The following ADARB2 variants were observed in gnomAD, a reference collection of about 807,000 sequenced individuals.
The protein encoded by ADARB2 is inactive double-stranded RNA-specific editase B2.
ADARB2 carries 25 observed loss-of-function variants against 62.2 expected under a neutral mutation model. That is an observed-to-expected ratio of 0.40 (90% CI 0.29 to 0.56). The LOEUF is 0.56. ADARB2 is among the 20% of genes least tolerant of loss of function. The pLI is 0.43. For missense variants in ADARB2, 1,071 were observed against 1,077.4 expected, an observed-to-expected ratio of 0.99 and a Z score of 0.08; for synonymous variants, 572 against 500.8, an observed-to-expected ratio of 1.14 and a Z score of -1.90.
intron 4 of ADARB2, among the ~76,000 whole-genome samples, chr10:1,243,507 T>G (rs958911387): frequency 1.2e-5 from 1 of 82,012 alleles, no homozygotes; most frequent in Non-Finnish European, 3.4e-5. Context: ...CACACACTTG[T>G]TCCTCTGATG....
chr10:1,217,840 G>C (rs150034092), intron 6 of ADARB2, among the ~76,000 whole-genome samples: 1 of 152,046 alleles, frequency 6.6e-6, no homozygotes, highest in Admixed American at 6.5e-5. Context: ...ACCAAGGGTC[G>C]CCATGGGCAG....
chr10:1,186,552 G>A (rs1836762172), intron 8 of ADARB2: 1 of 518,910 alleles, frequency 1.9e-6, no homozygotes, highest in African/African-American at 1.9e-5. Flanking sequence ...TCTCATTCAT[G>A]CCTCCTCGCA....
At chr10:1,538,444 G>A (rs956279811) in intron 1 of ADARB2, among the ~76,000 whole-genome samples, 11 of 152,216 alleles carry the variant, frequency 7.2e-5, no homozygotes, top group Non-Finnish European at 1.2e-4. Flanking sequence ...AGTGAGACAG[G>A]ACATCCCCAA....
At chr10:1,468,500 G>A (rs1831284703) in intron 1 of ADARB2, among the ~76,000 whole-genome samples, 1 of 152,190 alleles carries the variant, frequency 6.6e-6, no homozygotes, top group African/African-American at 2.4e-5. Context: ...GCAGCTTCGT[G>A]GCTATCTCAC....
intron 1 of ADARB2, among the ~76,000 whole-genome samples, chr10:1,499,574 C>T (rs935022955): frequency 6.6e-6 from 1 of 151,536 alleles, no homozygotes; most frequent in African/African-American, 2.4e-5. Flanking sequence ...ACTCACTCAT[C>T]ATTCATCACC....
intron 1 of ADARB2, chr10:1,556,857 C>A (rs770941757): frequency 2.6e-5 from 14 of 532,494 alleles, no homozygotes; most frequent in South Asian, 2.0e-4. Context: ...CACAACCCCT[C>A]CTCATGGGGG....
chr10:1,508,607 C>T (rs768875366), intron 1 of ADARB2, among the ~76,000 whole-genome samples: 14 of 152,152 alleles, frequency 9.2e-5, no homozygotes, highest in Admixed American at 2.0e-4. Flanking sequence ...TGGTGAAACC[C>T]GTCTCCACAG....
intron 3 of ADARB2, among the ~76,000 whole-genome samples, chr10:1,271,805 C>T (rs1473392999): frequency 6.6e-6 from 1 of 152,228 alleles, no homozygotes; most frequent in Non-Finnish European, 1.5e-5. Context: ...ACTGCCCTTT[C>T]CTTGACATGG....
At chr10:1,332,481 G>GTT (rs57168465) in intron 3 of ADARB2, among the ~76,000 whole-genome samples, 1,400 of 131,466 alleles carry the variant, frequency 0.011, 35 homozygotes, top group African/African-American at 0.036. Context: ...CATCAGTTTT[G>GTT]TTTTTTTTTT....
At chr10:1,686,349 A>G (rs939789111) in intron 1 of ADARB2, among the ~76,000 whole-genome samples, 1 of 152,256 alleles carries the variant, frequency 6.6e-6, no homozygotes, top group Non-Finnish European at 1.5e-5. Flanking sequence ...TCGAACAAGG[A>G]CAGGATCATG....
At chr10:1,551,708 T>C (rs1166719574) in intron 1 of ADARB2, among the ~76,000 whole-genome samples, 2 of 152,216 alleles carry the variant, frequency 1.3e-5, no homozygotes, top group African/African-American at 4.8e-5. Context: ...GGCCTGGGAT[T>C]GGCTCCAAAA....
intron 3 of ADARB2, among the ~76,000 whole-genome samples, chr10:1,329,843 G>T (rs1429259309): frequency 6.6e-6 from 1 of 151,262 alleles, no homozygotes; most frequent in African/African-American, 2.4e-5. Flanking sequence ...TGGTTATCCC[G>T]ATTTGCTGAT....
At chr10:1,308,410 G>A (rs7067690) in intron 3 of ADARB2, among the ~76,000 whole-genome samples, 10,969 of 152,260 alleles carry the variant, frequency 0.072, 978 homozygotes, top group African/African-American at 0.21. Flanking sequence ...ACTGAAGGGC[G>A]TTTTCGTTGC....
At position 1,690,996 on chromosome 10, in the gene ADARB2, G is replaced by A. The variant is rs538012342; in HGVS notation, c.100+46055C>T. On this transcript the variant is annotated intron_variant, in intron 1 of 9. Transcript: ENST00000381312. ...GCTGTGCCCCTTTCCTTCTGGGTGC[G>A]GGTGACCCAACCCCTCTGCTATTAT... 4.3e-4 allele frequency among the ~76,000 whole-genome samples: 65 copies of A among 152,200 alleles called. No homozygotes were observed. The South Asian group carries it at 0.011, about 26-fold the overall frequency.
intron 1 of ADARB2, among the ~76,000 whole-genome samples, chr10:1,625,549 C>G (rs986208777): frequency 6.6e-6 from 1 of 152,086 alleles, no homozygotes; most frequent in Non-Finnish European, 1.5e-5. Context: ...GTTTTGGAAT[C>G]TAAGCTCCAC....
intron 4 of ADARB2, among the ~76,000 whole-genome samples, chr10:1,257,586 G>A (rs1009762244): frequency 5.3e-5 from 8 of 152,226 alleles, no homozygotes; most frequent in Non-Finnish European, 1.2e-4. Context: ...CTGTGCATGA[G>A]GACTTCAAAA....
intron 1 of ADARB2, among the ~76,000 whole-genome samples, chr10:1,448,041 T>C (rs142506839): frequency 3.6e-4 from 55 of 152,350 alleles, no homozygotes; most frequent in African/African-American, 1.3e-3. Context: ...AATGAACATA[T>C]GTGTGCATGT....
chr10:1,528,645 T>A (rs1004655950), intron 1 of ADARB2, among the ~76,000 whole-genome samples: 9 of 152,352 alleles, frequency 5.9e-5, no homozygotes, highest in Middle Eastern at 3.4e-3. Context: ...CCTCCTGTCA[T>A]GCTGGTTGAT....
In ADARB2 at chr10:1,270,977, C is replaced by T. The variant is rs753872420; in HGVS notation, c.1170G>A (p.Leu390=). ...TACCTTTGGTCATGACGATTCCTGC[C>T]AGCGCTTTATGGCGGGCGTGCATGG... ...LTPMHARHKA[L]AGIVMTKGLD... Residue 390 remains leucine, a synonymous_variant, in exon 4 of 10, where the codon CTG becomes CTA. Transcript: ENST00000381312. The T allele has an allele frequency of 3.7e-6, 6 of 1,614,190 alleles. No individual in the cohort carries two copies. Among genetic ancestry groups the T allele is most frequent in the Non-Finnish European group, 4.2e-6 (5 of 1,180,036 alleles).
Sources: gnomAD v4.1 joint callset for allele counts (sites outside exome capture counted in the v4.1 genomes callset) on GRCh38, gnomAD v4.1.1 for gene constraint, MANE v1.5 for transcripts, NCBI Gene and HGNC (gene_info 2026-07-23, HGNC 2026-07-21) for gene names.